The following ZHX3 variants were observed in gnomAD, a reference collection of about 807,000 sequenced individuals.
The protein encoded by ZHX3 is zinc fingers and homeoboxes 3.
A neutral mutation model predicts 64.5 loss-of-function variants in ZHX3; 20 were observed. The observed-to-expected ratio is 0.31, with a 90% confidence interval of 0.22 to 0.45. ZHX3 has a LOEUF of 0.45. Among genes scored for constraint, ZHX3 ranks in the 20% least tolerant of loss-of-function variants. ZHX3 has a pLI of 1.00. For synonymous variants in ZHX3, 423 were observed against 461.6 expected, an observed-to-expected ratio of 0.92 and a Z score of 1.07; for missense variants, 1,041 against 1,195.8, an observed-to-expected ratio of 0.87 and a Z score of 1.91.
Position 41,200,144 on chromosome 20 carries a change from C to T in ZHX3, c.2860+1913G>A, listed in dbSNP as rs1416234269. Among the ~76,000 whole-genome samples, 1 of 152,172 alleles carries T rather than the reference C, an allele frequency of 6.6e-6. No homozygotes were observed. The highest frequency in any genetic ancestry group is 1.5e-5 in the Non-Finnish European group (1 of 68,034). ...AACCATCAAAATTTGTAAGCCTCTC[C>T]ATCAAGCTCTTCCCTGGATGTTGCA... is the stretch of plus-strand genomic sequence containing the variant. On this transcript the variant is annotated intron_variant, in intron 3 of 3. Transcript: ENST00000683867. This position sits in a 1 kb window ranked among gnomAD's most constrained non-coding sequence, Gnocchi z 4.2.
Position 41,228,764 on chromosome 20 carries a change from A to G in ZHX3, c.-150-23698T>C, listed in dbSNP as rs2040423725. ...ATTCAGTCCACTGCACCATACATCC[A>G]GATTTCCAAGCATACTTATTTTTTT... On this transcript the variant is annotated intron_variant, in intron 2 of 3. Transcript: ENST00000683867. The surrounding 1 kb of genome is among the most constrained non-coding windows in gnomAD (Gnocchi z 4.6). Among the ~76,000 whole-genome samples, 1 of 152,214 alleles carries G rather than the reference A, an allele frequency of 6.6e-6. No homozygotes were observed. Among genetic ancestry groups the G allele is most frequent in the African/African-American group, 2.4e-5 (1 of 41,454 alleles).
At chr20:41,223,509 T>C (rs2040082406) in intron 2 of ZHX3, among the ~76,000 whole-genome samples, 2 of 152,236 alleles carry the variant, frequency 1.3e-5, no homozygotes, top group African/African-American at 4.8e-5. Flanking sequence ...TTTATGCTGC[T>C]ATGGATTAAC....
chr20:41,274,883 C>T (rs1276295086), intron 1 of ZHX3, among the ~76,000 whole-genome samples: 1 of 97,922 alleles, frequency 1.0e-5, no homozygotes, highest in Non-Finnish European at 1.9e-5. Flanking sequence ...GGGCCAGGTG[C>T]GGTGGCTTAA....
rs1040309815 is a variant in ZHX3 at position 41,284,653 on chromosome 20, T to G, written c.-244-15570A>C. ...GCCTTGAAGCTCTCTGCAATCATTT[T>G]CCTTACTGTTCCAGGTTTAATCTTT... On this transcript the variant is annotated intron_variant, in intron 1 of 3. Coordinates refer to ENST00000683867, the MANE Select transcript of ZHX3 (RefSeq NM_001384317.1). 1.2e-4 allele frequency among the ~76,000 whole-genome samples: 19 copies of G among 152,216 alleles called. 1 individual carries two copies. The highest frequency in any genetic ancestry group is 1.2e-3 in the Admixed American group (19 of 15,278).
chr20:41,233,210 C>G (rs2040742707), intron 2 of ZHX3, among the ~76,000 whole-genome samples: 1 of 152,168 alleles, frequency 6.6e-6, no homozygotes, highest in Non-Finnish European at 1.5e-5. Flanking sequence ...GAATTTTGCC[C>G]TGTGTTCAGG....
rs1208479334 is a variant in ZHX3, at chr20:41,204,244, C to T, written c.673G>A (p.Val225Met). The T allele has an allele frequency of 6.2e-7, 1 of 1,614,058 alleles. No individual in the cohort carries two copies. The highest frequency in any genetic ancestry group is 8.5e-7 in the Non-Finnish European group (1 of 1,179,928). The stretch of plus-strand genomic sequence containing the variant: ...ATGAAGGAATGGTCCCCCTCTCTCA[C>T]CTCCATTTCTCCAGTCGACAGCTTT... ...LPKLSTGEME[V>M]REGDHSFING... is the part of the protein sequence containing the mutation. The change falls in exon 3 of 4, where the codon GTG (valine) becomes ATG (methionine). Residue 225 changes from valine to methionine, a missense_variant. Coordinates refer to ENST00000683867, the MANE Select transcript of ZHX3 (RefSeq NM_001384317.1). The surrounding 1 kb of genome is among the most constrained non-coding windows in gnomAD (Gnocchi z 6.6).
At chr20:41,273,928 T>C (rs776030373) in intron 1 of ZHX3, among the ~76,000 whole-genome samples, 14 of 152,198 alleles carry the variant, frequency 9.2e-5, no homozygotes, top group Non-Finnish European at 1.6e-4. Flanking sequence ...TACATCACTT[T>C]GAGTAGTATT....
At chr20:41,193,710 T>G (rs553046753) in intron 3 of ZHX3, among the ~76,000 whole-genome samples, 117 of 120,222 alleles carry the variant, frequency 9.7e-4, no homozygotes, top group East Asian at 3.4e-3. Context: ...TGTTGTTGTT[T>G]TTGTTTTTTT....
At chr20:41,220,286 A>T (rs1463448950) in intron 2 of ZHX3, among the ~76,000 whole-genome samples, 4 of 152,238 alleles carry the variant, frequency 2.6e-5, no homozygotes, top group Non-Finnish European at 4.4e-5. Context: ...CAAGTAGATA[A>T]GTTGAGAAAA....
At chr20:41,234,781 A>T (rs2040853395) in intron 2 of ZHX3, among the ~76,000 whole-genome samples, 1 of 152,250 alleles carries the variant, frequency 6.6e-6, no homozygotes, top group Admixed American at 6.5e-5. Context: ...TAAGGGCTCC[A>T]CAGCCAGCTG....
At chr20:41,307,365 C>T (rs6016541) in intron 1 of ZHX3, among the ~76,000 whole-genome samples, 27,624 of 152,018 alleles carry the variant, frequency 0.18, 4,189 homozygotes, top group African/African-American at 0.42. Context: ...CCTATGAAGG[C>T]CTCATTAACA....
intron 1 of ZHX3, among the ~76,000 whole-genome samples, chr20:41,271,434 T>C (rs189623602): frequency 6.6e-6 from 1 of 152,320 alleles, no homozygotes. Flanking sequence ...TAGAGTTCAG[T>C]TGATTGGTTG....
intron 2 of ZHX3, chr20:41,267,672 A>T (rs1451468291): frequency 3.3e-5 from 5 of 152,246 alleles, no homozygotes; most frequent in Non-Finnish European, 7.3e-5. Context: ...ATCATTTTCA[A>T]TTGAGGGTAC....
intron 1 of ZHX3, among the ~76,000 whole-genome samples, chr20:41,275,511 T>C (rs997679261): frequency 5.9e-5 from 9 of 152,278 alleles, no homozygotes; most frequent in East Asian, 3.9e-4. Flanking sequence ...ACGCAAAAGA[T>C]AGACAACAGT....
chr20:41,220,491 A>G (rs1240535058), intron 2 of ZHX3, among the ~76,000 whole-genome samples: 1 of 151,978 alleles, frequency 6.6e-6, no homozygotes, highest in Non-Finnish European at 1.5e-5. Flanking sequence ...CAAAGCCTCT[A>G]TCTAACTTTA....
intron 1 of ZHX3, among the ~76,000 whole-genome samples, chr20:41,294,720 A>G (rs2044420107): frequency 6.6e-6 from 1 of 151,562 alleles, no homozygotes; most frequent in African/African-American, 2.4e-5. Flanking sequence ...TTATTGATTG[A>G]TTTTTTGAGA....
chr20:41,225,282 T>C (rs973343968), intron 2 of ZHX3, among the ~76,000 whole-genome samples: 1 of 152,210 alleles, frequency 6.6e-6, no homozygotes, highest in Admixed American at 6.5e-5. Flanking sequence ...CTGTCTGATA[T>C]ACAGGAAACA....
intron 2 of ZHX3, among the ~76,000 whole-genome samples, chr20:41,241,944 A>G (rs1198750277): frequency 6.6e-6 from 1 of 152,150 alleles, no homozygotes; most frequent in African/African-American, 2.4e-5. Flanking sequence ...TGACCTCTAG[A>G]GTGTTTTAAA....
chr20:41,238,473 G>A (rs1568876502), intron 2 of ZHX3, among the ~76,000 whole-genome samples: 1 of 152,120 alleles, frequency 6.6e-6, no homozygotes, highest in African/African-American at 2.4e-5. Flanking sequence ...ATCTATCTAA[G>A]CAAGAGCTTC....
Sources: gnomAD v4.1 joint callset for allele counts (sites outside exome capture counted in the v4.1 genomes callset) on GRCh38, gnomAD v4.1.1 for gene constraint, Gnocchi (gnomAD v3.1) non-coding constraint, MANE v1.5 for transcripts, NCBI Gene and HGNC (gene_info 2026-07-23, HGNC 2026-07-21) for gene names.